PRKN: variants seen among roughly 807,000 people sequenced by gnomAD.
PRKN encodes parkin RBR E3 ubiquitin protein ligase.
In PRKN, 56 loss-of-function variants were observed where a neutral mutation model predicts 59.5. The ratio of observed to expected loss-of-function variants is 0.94; its 90% CI spans 0.76 to 1.18. The LOEUF is 1.18. PRKN is among the 50% of genes most tolerant of loss of function. PRKN has a pLI of 0.00. For missense variants in PRKN, 657 were observed against 596.4 expected (o/e 1.10, Z -1.06); for synonymous variants, 250 against 222.1 (o/e 1.13, Z -1.12).
At chr6:161,534,184 A>T (rs777889888) in intron 9 of PRKN, among the ~76,000 whole-genome samples, 1 of 152,060 alleles carries the variant, frequency 6.6e-6, no homozygotes, top group Admixed American at 6.6e-5. Flanking sequence ...TCCGTCGGCT[A>T]ATCATTCCTC....
In PRKN at chr6:161,382,483, A is replaced by G. The variant is rs138222342; in HGVS notation, c.1167+4311T>C. Among the ~76,000 whole-genome samples, 224 of 152,340 alleles carry G rather than the reference A, an allele frequency of 1.5e-3. 1 individual carries two copies. The highest frequency in any genetic ancestry group is 5.0e-3 in the African/African-American group (209 of 41,580). The stretch of plus-strand genomic sequence containing the variant: ...GCACCACTAAAAATCTGGAAGTCTC[A>G]GTCTGCACTCCTGCTGAATAGGGAG... On this transcript the variant is annotated intron_variant, in intron 10 of 11. Transcript: ENST00000366898.
At chr6:162,558,787 T>A (rs1779717242) in intron 1 of PRKN, among the ~76,000 whole-genome samples, 2 of 151,776 alleles carry the variant, frequency 1.3e-5, no homozygotes, top group South Asian at 2.1e-4. Flanking sequence ...GTGCCACAGG[T>A]ATGTGCCACA....
intron 7 of PRKN, among the ~76,000 whole-genome samples, chr6:161,718,339 G>A (rs962426932): frequency 2.6e-5 from 4 of 151,512 alleles, no homozygotes; most frequent in Admixed American, 6.6e-5. Flanking sequence ...AACATCATTC[G>A]CCTAATAATT....
chr6:162,051,913 T>A, intron 5 of PRKN, among the ~76,000 whole-genome samples: 1 of 152,044 alleles, frequency 6.6e-6, no homozygotes, highest in African/African-American at 2.4e-5. Flanking sequence ...AAAGTCTCTA[T>A]GTGACAGCTG....
intron 1 of PRKN, among the ~76,000 whole-genome samples, chr6:162,720,228 T>C (rs1372053045): frequency 2.0e-5 from 3 of 152,080 alleles, no homozygotes; most frequent in Non-Finnish European, 2.9e-5. Flanking sequence ...TAATCACCAA[T>C]TTTCCCCCTC....
At chr6:161,768,993 T>A (rs1789546944) in intron 7 of PRKN, among the ~76,000 whole-genome samples, 1 of 152,212 alleles carries the variant, frequency 6.6e-6, no homozygotes, top group Non-Finnish European at 1.5e-5. Context: ...AGATCTAATA[T>A]AAGAATTTTA....
At chr6:162,256,125 G>A (rs973312266) in intron 3 of PRKN, among the ~76,000 whole-genome samples, 3 of 152,088 alleles carry the variant, frequency 2.0e-5, no homozygotes, top group African/African-American at 7.2e-5. Context: ...ATTAATTATA[G>A]TCAAATAGAT....
Position 161,355,140 on chromosome 6 carries a change from G to C in PRKN, c.1286-4929C>G, listed in dbSNP as rs956042260. On this transcript the variant is annotated intron_variant, in intron 11 of 11. Transcript: ENST00000366898. The surrounding 1 kb of genome is among the most constrained non-coding windows in gnomAD (Gnocchi z 6.8). ...GCGGTGCCTGGAACACGAGCAGCAG[G>C]GGCTGCCTCCGCACACCGGCGCGCG... Among the ~76,000 whole-genome samples the C allele has an allele frequency of 6.6e-6, 1 of 152,194 alleles. No individual in the cohort carries two copies. Among genetic ancestry groups the C allele is most frequent in the Non-Finnish European group, 1.5e-5 (1 of 68,038 alleles).
At chr6:162,554,664 T>C (rs1246096785) in intron 1 of PRKN, among the ~76,000 whole-genome samples, 1 of 152,064 alleles carries the variant, frequency 6.6e-6, no homozygotes, top group African/African-American at 2.4e-5. Context: ...CGCAATGGCA[T>C]GAAGATCAGG....
chr6:161,506,242 A>G (rs1418424712), intron 9 of PRKN, among the ~76,000 whole-genome samples: 3 of 151,986 alleles, frequency 2.0e-5, no homozygotes, highest in Non-Finnish European at 2.9e-5. Flanking sequence ...GGTCCTTCAC[A>G]TCCCTTGTAA....
chr6:161,758,740 T>C (rs1583116192), intron 7 of PRKN, among the ~76,000 whole-genome samples: 1 of 152,114 alleles, frequency 6.6e-6, no homozygotes, highest in South Asian at 2.1e-4. Flanking sequence ...GATCAGGAAG[T>C]CAAAGCTCAG....
intron 5 of PRKN, among the ~76,000 whole-genome samples, chr6:161,981,775 T>A (rs893778188): frequency 3.9e-5 from 6 of 152,194 alleles, no homozygotes; most frequent in Non-Finnish European, 7.3e-5. Context: ...AAATGTACAC[T>A]TTGTTAAATT....
chr6:161,680,052 G>T (rs147548343), intron 7 of PRKN, among the ~76,000 whole-genome samples: 1 of 151,986 alleles, frequency 6.6e-6, no homozygotes, highest in Admixed American at 6.6e-5. Flanking sequence ...CCGTGCCCTG[G>T]CCAGAGCCAG....
chr6:162,516,760 C>T (rs1375407240), intron 1 of PRKN, among the ~76,000 whole-genome samples: 2 of 31,988 alleles, frequency 6.3e-5, no homozygotes, highest in African/African-American at 2.9e-4. Context: ...GAGACTCTAC[C>T]ATGAAAAAAA....
At chr6:162,142,611 C>T (rs942575965) in intron 4 of PRKN, among the ~76,000 whole-genome samples, 12 of 152,256 alleles carry the variant, frequency 7.9e-5, no homozygotes, top group Middle Eastern at 3.4e-3. Flanking sequence ...CCTCAAAAGG[C>T]ACTTATAATC....
At chr6:162,668,196 TCA>T (rs1307769391) in intron 1 of PRKN, among the ~76,000 whole-genome samples, 2 of 152,238 alleles carry the variant, frequency 1.3e-5, no homozygotes, top group African/African-American at 2.4e-5. Context: ...ATCAAGATTT[TCA>T]CAGTTATATT....
intron 7 of PRKN, among the ~76,000 whole-genome samples, chr6:161,688,293 G>C (rs923610914): frequency 1.3e-5 from 2 of 152,122 alleles, no homozygotes; most frequent in African/African-American, 2.4e-5. Context: ...TGGCTGTTCC[G>C]GAAGAAGTGG....
Position 161,809,556 on chromosome 6 carries a change from G to A in PRKN, c.735-23648C>T, listed in dbSNP as rs567542527. Among the ~76,000 whole-genome samples, 12 of 152,188 alleles carry A rather than the reference G, an allele frequency of 7.9e-5. No individual in the cohort carries two copies. The East Asian group carries it at 1.9e-3, about 24-fold the overall frequency. On this transcript the variant is annotated intron_variant, in intron 6 of 11. Coordinates refer to ENST00000366898, the MANE Select transcript of PRKN (RefSeq NM_004562.3). ...TTAATAGCTTATTGTCCTGCGTAGC[G>A]AACTTTTTTCTTAAGGGAAATATCT...
In PRKN at chr6:161,762,947, A is replaced by T. The variant is rs541758933; in HGVS notation, c.871+22825T>A. Among the ~76,000 whole-genome samples the T allele has an allele frequency of 1.4e-3, 210 of 152,344 alleles. 1 individual carries two copies. Among genetic ancestry groups the T allele is most frequent in the African/African-American group, 4.8e-3 (200 of 41,584 alleles). ...TTTAAGTAGACAAAAAATGGAGAGA[A>T]CATGAAATACTGAGAGACTACTGAG... On this transcript the variant is annotated intron_variant, in intron 7 of 11. Coordinates refer to ENST00000366898, the MANE Select transcript of PRKN (RefSeq NM_004562.3).
Sources: allele counts gnomAD v4.1 joint callset (sites outside exome capture counted in the v4.1 genomes callset), GRCh38; gene constraint gnomAD v4.1.1; non-coding constraint Gnocchi (gnomAD v3.1); transcripts MANE v1.5; gene names NCBI Gene and HGNC (gene_info 2026-07-23, HGNC 2026-07-21).